CNTN5: variants seen among roughly 807,000 people sequenced by gnomAD.
CNTN5 encodes contactin 5.
CNTN5 carries 77 observed loss-of-function variants against 129.1 expected under a neutral mutation model. That is an observed-to-expected ratio of 0.60 (90% CI 0.50 to 0.72). CNTN5 has a LOEUF of 0.72. CNTN5 is among the 30% of genes least tolerant of loss of function. The probability of loss-of-function intolerance (pLI) is 0.00; values close to 1 mark genes in which losing one functional copy is unlikely to be tolerated. For synonymous variants in CNTN5, 509 were observed against 465.6 expected (o/e 1.09, Z -1.20); for missense variants, 1,478 against 1,328.8 (o/e 1.11, Z -1.75).
intron 21 of CNTN5, among the ~76,000 whole-genome samples, chr11:100,320,681 C>T (rs946155250): frequency 5.3e-5 from 8 of 151,970 alleles, no homozygotes; most frequent in Non-Finnish European, 1.2e-4. Flanking sequence ...AGTAGTTTTA[C>T]AGTTTTATAT....
intron 2 of CNTN5, among the ~76,000 whole-genome samples, chr11:99,344,840 CT>C (rs1368808075): frequency 6.6e-6 from 1 of 152,142 alleles, no homozygotes; most frequent in Non-Finnish European, 1.5e-5. Flanking sequence ...TTACAATGAG[CT>C]GTAAGGCCCC....
chr11:100,208,323 C>T (rs1385236178), intron 15 of CNTN5, among the ~76,000 whole-genome samples: 1 of 152,106 alleles, frequency 6.6e-6, no homozygotes, highest in African/African-American at 2.4e-5. Context: ...CCAAGACTCA[C>T]GCATCTGCAA....
chr11:99,160,404 C>A (rs1860551468), intron 1 of CNTN5, among the ~76,000 whole-genome samples: 1 of 152,164 alleles, frequency 6.6e-6, no homozygotes, highest in African/African-American at 2.4e-5. Context: ...GGGGTGAAAT[C>A]ATAAAAGTAC....
intron 9 of CNTN5, among the ~76,000 whole-genome samples, chr11:100,038,165 G>T (rs1942143257): frequency 1.3e-5 from 2 of 151,946 alleles, no homozygotes; most frequent in Non-Finnish European, 2.9e-5. Context: ...CTGGTATGTT[G>T]TGTCTTTGTT....
chr11:99,697,320 A>G (rs1264429250), intron 3 of CNTN5, among the ~76,000 whole-genome samples: 3 of 151,520 alleles, frequency 2.0e-5, no homozygotes, highest in African/African-American at 7.3e-5. Flanking sequence ...AGAGGGGGAG[A>G]GAGAGAGAGA....
chr11:100,183,114 G>A (rs1236584257), intron 13 of CNTN5, among the ~76,000 whole-genome samples: 2 of 152,070 alleles, frequency 1.3e-5, no homozygotes, highest in Non-Finnish European at 2.9e-5. Flanking sequence ...CTGACCATAC[G>A]AAGTGCTGCA....
chr11:99,980,175 G>A (rs927088081), intron 8 of CNTN5, among the ~76,000 whole-genome samples: 3 of 152,166 alleles, frequency 2.0e-5, no homozygotes, highest in African/African-American at 7.2e-5. Context: ...ATGTAAGGGA[G>A]AAGTGGATTC....
At chr11:99,455,618 A>G (rs952872784) in intron 2 of CNTN5, among the ~76,000 whole-genome samples, 63 of 152,120 alleles carry the variant, frequency 4.1e-4, no homozygotes, top group African/African-American at 1.5e-3. Flanking sequence ...AGGCCACCAA[A>G]TTCAATACTG....
At chr11:100,226,328 G>A (rs189060678) in intron 16 of CNTN5, among the ~76,000 whole-genome samples, 238 of 152,084 alleles carry the variant, frequency 1.6e-3, no homozygotes, top group African/African-American at 5.5e-3. Flanking sequence ...CTTAAAATTG[G>A]AGCTTTCCAA....
In CNTN5 at chr11:99,407,372, G is replaced by A. The variant is rs555824414; in HGVS notation, c.-71+81888G>A. Among the ~76,000 whole-genome samples, 35 of 152,240 alleles carry A rather than the reference G, an allele frequency of 2.3e-4. 1 individual carries two copies. Among genetic ancestry groups the A allele is most frequent in the African/African-American group, 8.4e-4 (35 of 41,544 alleles). The stretch of plus-strand genomic sequence containing the variant: ...ATCTGCGATCTAGGGCCTGGAAAAG[G>A]GATGTCACAGCTCTGACTAGTGCCC... On this transcript the variant is annotated intron_variant, in intron 2 of 24. Transcript: ENST00000524871.
chr11:99,376,009 C>A (rs907310453), intron 2 of CNTN5, among the ~76,000 whole-genome samples: 6 of 152,072 alleles, frequency 3.9e-5, no homozygotes, highest in African/African-American at 1.2e-4. Flanking sequence ...ATAACAATGA[C>A]CCATTTACCA....
chr11:100,175,063 A>G (rs966880670), intron 13 of CNTN5, among the ~76,000 whole-genome samples: 1 of 152,118 alleles, frequency 6.6e-6, no homozygotes, highest in African/African-American at 2.4e-5. Context: ...CATCTGTAGG[A>G]AACACGTGTC....
chr11:99,971,870 C>T (rs941049573), intron 8 of CNTN5, among the ~76,000 whole-genome samples: 44 of 150,430 alleles, frequency 2.9e-4, no homozygotes, highest in African/African-American at 1.0e-3. Context: ...TAAAAGTCTG[C>T]ATAAATTATA....
intron 2 of CNTN5, among the ~76,000 whole-genome samples, chr11:99,329,966 T>A (rs182463862): frequency 6.8e-6 from 1 of 147,816 alleles, no homozygotes; most frequent in South Asian, 2.1e-4. Flanking sequence ...CAATCCCTTA[T>A]ATTTAAAGCT....
At chr11:100,337,677 A>G (rs1010554636) in intron 21 of CNTN5, 4 of 612,606 alleles carry the variant, frequency 6.5e-6, no homozygotes, top group East Asian at 3.8e-5. Flanking sequence ...TAGCTTCACA[A>G]TCTGTTTTCT....
At chr11:99,945,489 C>CGTGT (rs3990615) in intron 7 of CNTN5, among the ~76,000 whole-genome samples, 19,625 of 148,766 alleles carry the variant, frequency 0.13, 1,345 homozygotes, top group Non-Finnish European at 0.13. Flanking sequence ...AACCTCTGTG[C>CGTGT]GTGTGTGTGT....
intron 7 of CNTN5, among the ~76,000 whole-genome samples, chr11:99,947,928 T>C (rs1018176946): frequency 5.3e-5 from 8 of 152,210 alleles, no homozygotes; most frequent in African/African-American, 1.9e-4. Flanking sequence ...TCTTTTGCTT[T>C]TAATTCATAG....
intron 1 of CNTN5, among the ~76,000 whole-genome samples, chr11:99,068,030 C>T (rs1034490366): frequency 1.3e-5 from 2 of 152,226 alleles, no homozygotes; most frequent in Admixed American, 1.3e-4. Context: ...CTCCTTCTTG[C>T]CACCTTGTGA....
intron 1 of CNTN5, among the ~76,000 whole-genome samples, chr11:99,274,193 G>A (rs988237790): frequency 5.3e-5 from 8 of 151,640 alleles, no homozygotes; most frequent in African/African-American, 1.9e-4. Context: ...GGGCTTAATA[G>A]TTTAGGAGCA....
Sources: allele counts gnomAD v4.1 joint callset (sites outside exome capture counted in the v4.1 genomes callset), GRCh38; gene constraint gnomAD v4.1.1; transcripts MANE v1.5; gene names NCBI Gene and HGNC (gene_info 2026-07-23, HGNC 2026-07-21).